The following DPYS variants were observed in gnomAD, a reference collection of about 807,000 sequenced individuals.
DPYS encodes the protein dihydropyrimidine amidohydrolase.
A neutral mutation model predicts 50.3 loss-of-function variants in DPYS; 39 were observed. The observed-to-expected ratio is 0.78, with a 90% CI of 0.60 to 1.01. DPYS has a LOEUF of 1.01. Among genes scored for constraint, DPYS ranks in the 50% least tolerant of loss-of-function variants. The pLI, the probability that DPYS is intolerant of heterozygous loss-of-function variation, is 0.00. For missense variants in DPYS, 659 were observed against 680.9 expected, an observed-to-expected ratio of 0.97 and a Z score of 0.36; for synonymous variants, 245 against 250.7, an observed-to-expected ratio of 0.98 and a Z score of 0.22.
intron 2 of DPYS, among the ~76,000 whole-genome samples, chr8:104,449,942 A>G (rs1236913034): frequency 1.3e-5 from 2 of 152,194 alleles, no homozygotes; most frequent in Non-Finnish European, 1.5e-5. Flanking sequence ...CTAGGGTTAC[A>G]GCAGCCCTAG....
chr8:104,441,713 G>A (rs1026057061), intron 4 of DPYS, among the ~76,000 whole-genome samples: 1 of 152,278 alleles, frequency 6.6e-6, no homozygotes, highest in East Asian at 1.9e-4. Flanking sequence ...CCCATTTCAG[G>A]CTTCTGACCT....
chr8:104,457,293 A>C (rs1468147704), intron 1 of DPYS, among the ~76,000 whole-genome samples: 2 of 152,194 alleles, frequency 1.3e-5, no homozygotes, highest in Non-Finnish European at 2.9e-5. Context: ...CTATAGCATG[A>C]ATGTGCTGGA....
chr8:104,403,323 G>A (rs148977786), intron 7 of DPYS, among the ~76,000 whole-genome samples: 1,888 of 152,228 alleles, frequency 0.012, 38 homozygotes, highest in African/African-American at 0.043. Flanking sequence ...ATGACCCATG[G>A]CTTCTAATAG....
intron 7 of DPYS, 90 bp downstream of exon 7, chr8:104,424,157 A>T: frequency 6.2e-7 from 1 of 1,606,086 alleles, no homozygotes; most frequent in Non-Finnish European, 8.5e-7. Flanking sequence ...TCTAAGGAGA[A>T]GCGGCTGATT....
chr8:104,399,395 C>A (rs548038557), intron 7 of DPYS, among the ~76,000 whole-genome samples: 1 of 151,250 alleles, frequency 6.6e-6, no homozygotes, highest in East Asian at 2.0e-4. Context: ...TCATAGGGTG[C>A]TGTGACACTG....
At chr8:104,425,616 C>T (rs944870075) in intron 6 of DPYS, among the ~76,000 whole-genome samples, 3 of 151,988 alleles carry the variant, frequency 2.0e-5, no homozygotes, top group African/African-American at 4.8e-5. Context: ...AGCCACCACA[C>T]CCAGATGCAA....
At chr8:104,429,164 T>C (rs769022290) in intron 5 of DPYS, 5 of 219,422 alleles carry the variant, frequency 2.3e-5, no homozygotes, top group Non-Finnish European at 4.6e-5. Flanking sequence ...AAAATGATCA[T>C]ATGTTCCCAG....
intron 7 of DPYS, among the ~76,000 whole-genome samples, chr8:104,417,882 A>G (rs1392194942): frequency 6.6e-6 from 1 of 152,164 alleles, no homozygotes; most frequent in Non-Finnish European, 1.5e-5. Context: ...CCATCACCAT[A>G]TGTCAAATTC....
In DPYS at chr8:104,466,623, G is replaced by C. The variant is rs189294405; in HGVS notation, c.264+34C>G. 4.4e-3 allele frequency: 6,633 copies of C among 1,498,620 alleles called. 197 individuals are homozygous for C. The African/African-American group carries it at 0.075, about 17-fold the overall frequency. 92.8% of individuals were successfully genotyped at this position (1,498,620 alleles called of 1,614,324 possible). A position where few individuals can be genotyped will look rare whatever the true frequency, so the allele number is the denominator to read the frequency against. ...GGGGAGGCTGCCCGAGCCTCCGTGG[G>C]TACCGCGGGGCGGGGGCGCGGCGGG... On this transcript the variant is annotated intron_variant, in intron 1 of 9. Coordinates refer to ENST00000351513, the MANE Select transcript of DPYS (RefSeq NM_001385.3).
intron 7 of DPYS, among the ~76,000 whole-genome samples, chr8:104,398,187 G>A (rs1588407453): frequency 6.6e-6 from 1 of 152,340 alleles, no homozygotes; most frequent in East Asian, 1.9e-4. Flanking sequence ...TCAAAATGAT[G>A]CCCTAGTACC....
intron 7 of DPYS, among the ~76,000 whole-genome samples, chr8:104,409,991 G>A (rs1010171077): frequency 2.0e-5 from 3 of 152,040 alleles, no homozygotes; most frequent in African/African-American, 7.2e-5. Flanking sequence ...AGTTACTTGG[G>A]GTGTTCCTTA....
intron 7 of DPYS, among the ~76,000 whole-genome samples, chr8:104,412,249 G>C (rs908811344): frequency 5.9e-5 from 9 of 152,182 alleles, no homozygotes; most frequent in Admixed American, 2.0e-4. Flanking sequence ...GTGCACACTT[G>C]TAACCAAGGA....
rs745640420 is a variant in DPYS, at chr8:104,381,170, C to T, written c.*14+14G>A. 1.2e-6 allele frequency: 2 copies of T among 1,605,026 alleles called. No individual in the cohort carries two copies. The highest frequency in any genetic ancestry group is 1.8e-4 in the Middle Eastern group (1 of 5,492). ...TGTCATGCAGGAAGACTTTTCTTGC[C>T]TACAGTCCCTTACCGATGGCACACA... On this transcript the variant is annotated intron_variant, in intron 9 of 9. Transcript: ENST00000351513.
chr8:104,458,908 A>T (rs902504676), intron 1 of DPYS, among the ~76,000 whole-genome samples: 1 of 152,214 alleles, frequency 6.6e-6, no homozygotes, highest in Non-Finnish European at 1.5e-5. Flanking sequence ...ATTTTAGTTT[A>T]TTTCTGTATC....
chr8:104,460,351 A>C (rs1242764369), intron 1 of DPYS, among the ~76,000 whole-genome samples: 2 of 152,002 alleles, frequency 1.3e-5, no homozygotes, highest in African/African-American at 4.8e-5. Context: ...CTGGTTGTTT[A>C]AAAGGGTGCA....
intron 4 of DPYS, among the ~76,000 whole-genome samples, chr8:104,434,795 AT>A (rs892327849): frequency 2.6e-5 from 4 of 152,188 alleles, no homozygotes; most frequent in African/African-American, 4.8e-5. Flanking sequence ...TAAGGAAAAT[AT>A]TTGTTACGTT....
chr8:104,390,532 C>A, intron 8 of DPYS, among the ~76,000 whole-genome samples: 1 of 149,402 alleles, frequency 6.7e-6, no homozygotes, highest in Non-Finnish European at 1.5e-5. Flanking sequence ...GAGTCTCACT[C>A]TGTCGCCCAG....
chr8:104,420,207 C>T (rs767139700), intron 7 of DPYS: 12 of 152,116 alleles, frequency 7.9e-5, no homozygotes, highest in Non-Finnish European at 1.8e-4. Flanking sequence ...CAGTGGAAAG[C>T]TATGGATGAT....
rs191280858 is a variant in DPYS at position 104,419,576 on chromosome 8, G to T, written c.1235+4671C>A. ...TTCATCCAGGTCAACACCAGTAGTG[G>T]TAAGTCGTGCTCACCGTATGTCTTT... is the stretch of plus-strand genomic sequence containing the variant. On this transcript the variant is annotated intron_variant, in intron 7 of 9. Transcript: ENST00000351513. 4.6e-5 allele frequency: 7 copies of T among 152,314 alleles called. No homozygotes were observed. In the East Asian group the frequency reaches 1.3e-3, roughly 29 times the overall value. The allele number at this position is 152,314 out of a possible 1,614,324, so 9.4% of individuals were successfully genotyped here. A position where few individuals can be genotyped will look rare whatever the true frequency, so the allele number is the denominator to read the frequency against.
Sources: gnomAD v4.1 joint callset for allele counts (sites outside exome capture counted in the v4.1 genomes callset) on GRCh38, gnomAD v4.1.1 for gene constraint, MANE v1.5 for transcripts, NCBI Gene and HGNC (gene_info 2026-07-23, HGNC 2026-07-21) for gene names.